The following SYTL5 variants were observed in gnomAD, a reference collection of about 807,000 sequenced individuals.
SYTL5 encodes the protein synaptotagmin-like protein 5.
SYTL5 carries 34 observed loss-of-function variants against 55.9 expected under a neutral mutation model. The ratio of observed to expected loss-of-function variants is 0.61; its 90% CI spans 0.46 to 0.81. SYTL5 has a LOEUF of 0.81. SYTL5 is among the 30% of genes least tolerant of loss of function. The pLI, the probability that SYTL5 is intolerant of heterozygous loss-of-function variation, is 0.00. For synonymous variants in SYTL5, 221 were observed against 188.7 expected, an observed-to-expected ratio of 1.17 and a Z score of -1.40; for missense variants, 637 against 546.7, an observed-to-expected ratio of 1.17 and a Z score of -1.65.
rs1327773782 is a variant in SYTL5, at chrX:38,095,829, G to A, written c.962-305G>A. On this transcript the variant is annotated intron_variant, in intron 8 of 16. Coordinates refer to ENST00000297875, the MANE Select transcript of SYTL5 (RefSeq NM_138780.3). ...GAGTTTTTTAAAGTCTAGGAGCAAA[G>A]CAGTTGCCTTAAACAGCTTAAAACA... Among the ~76,000 whole-genome samples the A allele has an allele frequency of 4.5e-5, 5 of 110,891 alleles. No individual in the cohort carries two copies. The South Asian group carries it at 1.5e-3, about 34-fold the overall frequency.
At chrX:37,930,879 C>T in the SYTL5 span, among the ~76,000 whole-genome samples, 1 of 111,914 alleles carries the variant, frequency 8.9e-6, no homozygotes, top group African/African-American at 3.2e-5. Context: ...CAGGTATGGT[C>T]TCATGGCAAT....
Position 38,076,699 on chromosome X carries a change from C to G in SYTL5, c.687C>G (p.Asp229Glu), listed in dbSNP as rs140300874. ...FRSLKSPPGSDRGSTGSSDLN... is the reference protein window; with the variant it reads ...FRSLKSPPGSERGSTGSSDLN... ...GTTTAAAATCACCTCCTGGTTCAGACAGGTAAGAGTCATACAGATTGAGCA... is the reference window on the plus strand; with the variant it reads ...GTTTAAAATCACCTCCTGGTTCAGAGAGGTAAGAGTCATACAGATTGAGCA... Residue 229 changes from aspartate (D) to glutamate (E), a missense_variant and splice_region_variant, in exon 6 of 17, where the codon GAC becomes GAG. Coordinates refer to ENST00000297875, the MANE Select transcript of SYTL5 (RefSeq NM_138780.3). The G allele has an allele frequency of 2.5e-6, 3 of 1,209,797 alleles. No individual in the cohort carries two copies. The highest frequency in any genetic ancestry group is 3.4e-6 in the Non-Finnish European group (3 of 894,493).
chrX:38,057,456 T>C (rs1935823432), intron 3 of SYTL5, among the ~76,000 whole-genome samples: 1 of 111,739 alleles, frequency 8.9e-6, no homozygotes, highest in African/African-American at 3.2e-5. Context: ...TCCTCTAGTT[T>C]TGTTTTTGCT....
chrX:37,996,984 T>C, the SYTL5 span, among the ~76,000 whole-genome samples: 1 of 112,691 alleles, frequency 8.9e-6, no homozygotes, highest in Admixed American at 9.3e-5. Flanking sequence ...AGGAAAATTA[T>C]TTTGTTGCCA....
Position 38,006,643 on chromosome X carries a change from A to G in SYTL5, c.-382A>G, listed in dbSNP as rs1005084417. 1.3e-4 allele frequency: 14 copies of G among 111,599 alleles called. No homozygotes were observed. The highest frequency in any genetic ancestry group is 4.2e-4 in the African/African-American group (13 of 30,750). 9.2% of individuals were successfully genotyped at this position (111,599 alleles called of 1,213,427 possible). On this transcript the variant is annotated 5_prime_UTR_variant, in exon 1 of 17. In the 5' UTR this introduces an upstream ATG that the reference lacks. Transcript: ENST00000297875. ...GTGTTTGAGAGAAAAATAAGCCCAT[A>G]AAAACATTCTAACCTTCAGATTAAG...
At chrX:37,930,567 C>T in the SYTL5 span, among the ~76,000 whole-genome samples, 13 of 111,656 alleles carry the variant, frequency 1.2e-4, no homozygotes, top group African/African-American at 3.2e-4. Context: ...ATGAAACTGC[C>T]GTACCAATCT....
At chrX:38,049,972 A>G (rs766881135) in intron 2 of SYTL5, among the ~76,000 whole-genome samples, 19 of 111,940 alleles carry the variant, frequency 1.7e-4, no homozygotes, top group Non-Finnish European at 3.2e-4. Context: ...CTCAGAGGAA[A>G]TAAGTGGCAT....
chrX:38,085,064 A>G (rs973709164), intron 6 of SYTL5, among the ~76,000 whole-genome samples: 6 of 111,393 alleles, frequency 5.4e-5, no homozygotes, highest in Admixed American at 9.5e-5. Flanking sequence ...TCACTAAGAC[A>G]AAGTGTCCTT....
At chrX:37,945,877 T>C in the SYTL5 span, 3 of 173,533 alleles carry the variant, frequency 1.7e-5, no homozygotes, top group East Asian at 3.0e-4. Flanking sequence ...ATGCAGAGAT[T>C]TGAGAAATGG....
At chrX:37,975,212 C>A in the SYTL5 span, among the ~76,000 whole-genome samples, 1 of 111,866 alleles carries the variant, frequency 8.9e-6, no homozygotes, top group African/African-American at 3.3e-5. Context: ...ATTTTAGAAG[C>A]AAGGGAACTG....
At chrX:38,024,091 A>T (rs1472847893) in intron 1 of SYTL5, 1 of 110,802 alleles carries the variant, frequency 9.0e-6, no homozygotes, top group Non-Finnish European at 1.9e-5. Context: ...ACATATCCAA[A>T]TTTTTTGTTG....
chrX:38,010,467 G>T (rs892066577), intron 1 of SYTL5, among the ~76,000 whole-genome samples: 1 of 111,858 alleles, frequency 8.9e-6, no homozygotes, highest in Non-Finnish European at 1.9e-5. Flanking sequence ...AGGTATGAAC[G>T]TTCTGAGCGA....
the SYTL5 span, among the ~76,000 whole-genome samples, chrX:37,905,880 T>G: frequency 8.9e-6 from 1 of 112,843 alleles, no homozygotes; most frequent in East Asian, 2.8e-4. Context: ...CCTGGGGGCA[T>G]CCGGCTGTGA....
chrX:38,027,592 T>C (rs988949156), intron 1 of SYTL5, among the ~76,000 whole-genome samples: 1 of 112,043 alleles, frequency 8.9e-6, no homozygotes, highest in African/African-American at 3.2e-5. Flanking sequence ...TTTCCATTTG[T>C]ATTAAAGACA....
At chrX:38,078,560 A>G (rs1363776358) in intron 6 of SYTL5, among the ~76,000 whole-genome samples, 1 of 111,419 alleles carries the variant, frequency 9.0e-6, no homozygotes, top group Non-Finnish European at 1.9e-5. Context: ...GCACCCGGCC[A>G]ATGTTCCTTG....
chrX:37,897,842 A>T, the SYTL5 span, among the ~76,000 whole-genome samples: 1 of 111,942 alleles, frequency 8.9e-6, no homozygotes, highest in Non-Finnish European at 1.9e-5. Flanking sequence ...TCACGCCTGT[A>T]ATCCTAACAC....
chrX:38,105,983 A>G (rs1337211080), intron 10 of SYTL5, among the ~76,000 whole-genome samples: 1 of 112,161 alleles, frequency 8.9e-6, no homozygotes, highest in Non-Finnish European at 1.9e-5. Context: ...AGCCATGGTC[A>G]TATACTACTC....
chrX:37,986,253 G>A, the SYTL5 span, among the ~76,000 whole-genome samples: 2 of 109,504 alleles, frequency 1.8e-5, no homozygotes, highest in African/African-American at 6.7e-5. Flanking sequence ...CAGGAGCTTC[G>A]GCAAGACTCA....
chrX:37,914,324 C>T, the SYTL5 span, among the ~76,000 whole-genome samples: 10 of 111,858 alleles, frequency 8.9e-5, no homozygotes, highest in African/African-American at 3.2e-4. Flanking sequence ...CTGAAATAAT[C>T]TAATTGTCCA....
Sources: allele counts gnomAD v4.1 joint callset (sites outside exome capture counted in the v4.1 genomes callset), GRCh38; gene constraint gnomAD v4.1.1; transcripts MANE v1.5; gene names NCBI Gene and HGNC (gene_info 2026-07-23, HGNC 2026-07-21).